The following FHIT variants were observed in gnomAD, a reference collection of about 807,000 sequenced individuals.
FHIT encodes bis(5'-adenosyl)-triphosphatase.
Under a neutral mutation model 17.9 loss-of-function variants are expected in FHIT, and 19 were observed. The observed-to-expected ratio is 1.06, with a 90% CI of 0.74 to 1.56. The LOEUF (loss-of-function observed/expected upper bound fraction) is 1.56, where lower values mean the gene tolerates loss of function less well. FHIT is among the 40% of genes most tolerant of loss of function. The pLI is 0.00. For missense variants in FHIT, 248 were observed against 189.2 expected, an observed-to-expected ratio of 1.31 and a Z score of -1.82; for synonymous variants, 81 against 69.7, an observed-to-expected ratio of 1.16 and a Z score of -0.81.
chr3:60,263,767 G>A (rs186583738), intron 5 of FHIT, among the ~76,000 whole-genome samples: 1 of 151,852 alleles, frequency 6.6e-6, no homozygotes, highest in South Asian at 2.1e-4. Context: ...TATGTGTGTT[G>A]CTGTATATAA....
intron 8 of FHIT, among the ~76,000 whole-genome samples, chr3:59,825,502 G>T (rs471011): frequency 0.028 from 4,246 of 152,216 alleles, 202 homozygotes; most frequent in African/African-American, 0.091. Flanking sequence ...CTCAGAGGAC[G>T]AGAGAGAAGC....
intron 7 of FHIT, among the ~76,000 whole-genome samples, chr3:59,962,487 G>A (rs1412290621): frequency 6.6e-6 from 1 of 152,164 alleles, no homozygotes; most frequent in Non-Finnish European, 1.5e-5. Context: ...ATGGCCTAAA[G>A]AGGAAATATG....
intron 2 of FHIT, among the ~76,000 whole-genome samples, chr3:61,081,471 T>C (rs1331863601): frequency 6.6e-6 from 1 of 152,226 alleles, no homozygotes; most frequent in Non-Finnish European, 1.5e-5. Flanking sequence ...TGCATTATGT[T>C]CTACTGTCTG....
At chr3:61,058,280 A>T (rs771560145) in intron 2 of FHIT, among the ~76,000 whole-genome samples, 19 of 152,228 alleles carry the variant, frequency 1.2e-4, no homozygotes, top group Non-Finnish European at 2.1e-4. Context: ...TGATGTCTCC[A>T]CATTTTACAT....
At chr3:60,253,438 T>C (rs1256183411) in intron 5 of FHIT, among the ~76,000 whole-genome samples, 2 of 152,198 alleles carry the variant, frequency 1.3e-5, no homozygotes, top group Admixed American at 6.5e-5. Context: ...TGATGATCAG[T>C]TGGCAACAAT....
At chr3:59,980,280 C>T (rs894826599) in intron 7 of FHIT, among the ~76,000 whole-genome samples, 11 of 152,236 alleles carry the variant, frequency 7.2e-5, no homozygotes, top group Middle Eastern at 3.4e-3. Context: ...CACTTCAGGC[C>T]AGAGGAAGGT....
chr3:61,247,539 A>G (rs1045323998), intron 1 of FHIT, among the ~76,000 whole-genome samples: 2 of 152,202 alleles, frequency 1.3e-5, no homozygotes, highest in African/African-American at 2.4e-5. Context: ...GCCTCTCAGC[A>G]GGCAGTACCG....
Position 60,601,025 on chromosome 3 carries a change from C to T in FHIT, c.-17-64046G>A, listed in dbSNP as rs577835989. ...ACAACCTGCACACAGCAGCAGTTCA[C>T]AGCAGCCCTGCCAGCAGAGGCTGGA... On this transcript the variant is annotated intron_variant, in intron 4 of 9. Coordinates refer to ENST00000492590, the MANE Select transcript of FHIT (RefSeq NM_002012.4). 4.6e-5 allele frequency among the ~76,000 whole-genome samples: 7 copies of T among 152,306 alleles called. No homozygotes were observed. In the East Asian group the frequency reaches 1.4e-3, roughly 29 times the overall value.
chr3:59,770,502 C>T (rs1167811784), intron 8 of FHIT, among the ~76,000 whole-genome samples: 2 of 152,100 alleles, frequency 1.3e-5, no homozygotes, highest in Non-Finnish European at 2.9e-5. Context: ...GATCTCTAAG[C>T]CATGGAATGC....
At chr3:60,213,063 T>A (rs898821640) in intron 5 of FHIT, among the ~76,000 whole-genome samples, 1 of 152,162 alleles carries the variant, frequency 6.6e-6, no homozygotes, top group African/African-American at 2.4e-5. Context: ...GGTAGCTTCA[T>A]TGGTTTATTG....
At chr3:60,771,823 T>C (rs1338540557) in intron 4 of FHIT, among the ~76,000 whole-genome samples, 3 of 152,216 alleles carry the variant, frequency 2.0e-5, no homozygotes, top group African/African-American at 4.8e-5. Context: ...TTATTTCTTA[T>C]GCAAAATTGT....
At position 60,126,705 on chromosome 3, in the gene FHIT, T is replaced by C. The variant is rs140658192; in HGVS notation, c.104-112553A>G. Among the ~76,000 whole-genome samples, 203 of 152,318 alleles carry C rather than the reference T, an allele frequency of 1.3e-3. 1 individual carries two copies. The highest frequency in any genetic ancestry group is 4.7e-3 in the African/African-American group (197 of 41,576). ...CAGCACACGCTCATAAATGCTGAAG[T>C]ATTACCACATTTACCTCAACAATGT... On this transcript the variant is annotated intron_variant, in intron 5 of 9. Coordinates refer to ENST00000492590, the MANE Select transcript of FHIT (RefSeq NM_002012.4).
chr3:60,432,799 T>G (rs2611416), intron 5 of FHIT, among the ~76,000 whole-genome samples: 2 of 152,048 alleles, frequency 1.3e-5, no homozygotes, highest in Non-Finnish European at 2.9e-5. Context: ...TTGTCACCTA[T>G]TAACATCAAA....
chr3:61,117,393 T>C (rs1371868253), intron 2 of FHIT, among the ~76,000 whole-genome samples: 3 of 152,256 alleles, frequency 2.0e-5, no homozygotes, highest in South Asian at 2.1e-4. Flanking sequence ...AAAATCACCT[T>C]ACTTTTGTAG....
intron 4 of FHIT, among the ~76,000 whole-genome samples, chr3:60,619,227 CGTT>C (rs1344592767): frequency 6.6e-6 from 1 of 151,998 alleles, no homozygotes; most frequent in African/African-American, 2.4e-5. Flanking sequence ...GAATCACTGT[CGTT>C]GTTTACAATA....
intron 2 of FHIT, among the ~76,000 whole-genome samples, chr3:61,120,870 A>G (rs1202912019): frequency 6.6e-6 from 1 of 152,052 alleles, no homozygotes; most frequent in East Asian, 1.9e-4. Flanking sequence ...GGAATTGCTA[A>G]CTAGAATAAC....
intron 3 of FHIT, among the ~76,000 whole-genome samples, chr3:60,826,314 G>C (rs1702121564): frequency 7.4e-6 from 1 of 135,624 alleles, no homozygotes; most frequent in East Asian, 2.0e-4. Flanking sequence ...GTTTTGTTTT[G>C]TTTTGTTTTG....
At chr3:60,847,443 A>C (rs1422534893) in intron 3 of FHIT, among the ~76,000 whole-genome samples, 2 of 151,974 alleles carry the variant, frequency 1.3e-5, no homozygotes, top group African/African-American at 4.8e-5. Context: ...ATCACATTGC[A>C]GAAGATTGGA....
chr3:60,535,321 A>G (rs1447408785), intron 5 of FHIT, among the ~76,000 whole-genome samples: 1 of 152,232 alleles, frequency 6.6e-6, no homozygotes, highest in Non-Finnish European at 1.5e-5. Context: ...GTCTAAATTC[A>G]TATTTTCATC....
Sources: gnomAD v4.1 joint callset for allele counts (sites outside exome capture counted in the v4.1 genomes callset) on GRCh38, gnomAD v4.1.1 for gene constraint, MANE v1.5 for transcripts, NCBI Gene and HGNC (gene_info 2026-07-23, HGNC 2026-07-21) for gene names.